ZFHX3: variants seen among roughly 807,000 people sequenced by gnomAD.
ZFHX3 encodes the protein zinc finger homeobox 3, also known as zinc finger homeobox protein 3.
ZFHX3 carries 42 observed loss-of-function variants against 279.1 expected under a neutral mutation model. That is an observed-to-expected ratio of 0.15 (90% CI 0.12 to 0.19). The LOEUF (loss-of-function observed/expected upper bound fraction) is 0.19, where lower values mean the gene tolerates loss of function less well. Ranked by LOEUF, ZFHX3 falls within the 10% of genes least tolerant of loss-of-function variation. The pLI is 1.00. For synonymous variants in ZFHX3, 2,293 were observed against 1,957.8 expected (o/e 1.17, Z -4.52); for missense variants, 4,981 against 4,754.0 (o/e 1.05, Z -1.40).
rs1245968980 is a variant in ZFHX3, at chr16:72,949,295, G to A, written c.3216+1174C>T. Among the ~76,000 whole-genome samples, 4 of 152,290 alleles carry A rather than the reference G, an allele frequency of 2.6e-5. No individual in the cohort carries two copies. In the South Asian group the frequency reaches 8.3e-4, roughly 32 times the overall value. On this transcript the variant is annotated intron_variant, in intron 3 of 9. Coordinates refer to ENST00000268489, the MANE Select transcript of ZFHX3 (RefSeq NM_006885.4). Reference sequence around the variant, plus strand: ...ACCAAACACTCGTGGGCCCAAAGACGCGAGAAACAGTGTGAAAGGCAGGAG... The same window carrying A: ...ACCAAACACTCGTGGGCCCAAAGACACGAGAAACAGTGTGAAAGGCAGGAG...
At chr16:73,843,832 A>G (rs1961377096) in intron 1 of ZFHX3, among the ~76,000 whole-genome samples, 1 of 152,236 alleles carries the variant, frequency 6.6e-6, no homozygotes, top group African/African-American at 2.4e-5. Flanking sequence ...CCTCTGTCGT[A>G]TGACAACAGC....
At chr16:72,851,426 G>A (rs758233143) in intron 4 of ZFHX3, among the ~76,000 whole-genome samples, 1 of 152,174 alleles carries the variant, frequency 6.6e-6, no homozygotes, top group Non-Finnish European at 1.5e-5. Flanking sequence ...AGTACTCTTG[G>A]GTTCTTGCAA....
chr16:73,766,911 G>C (rs2053951859), intron 1 of ZFHX3, among the ~76,000 whole-genome samples: 1 of 150,850 alleles, frequency 6.6e-6, no homozygotes, highest in Non-Finnish European at 1.5e-5. Flanking sequence ...TGGTGCAAAG[G>C]TAATTGTGGG....
chr16:73,738,047 A>G (rs975760747), intron 1 of ZFHX3, among the ~76,000 whole-genome samples: 5 of 152,200 alleles, frequency 3.3e-5, no homozygotes, highest in African/African-American at 1.2e-4. Context: ...TATGCCCTCC[A>G]CATCTCCATT....
chr16:73,717,592 C>T (rs1197989832), intron 1 of ZFHX3, among the ~76,000 whole-genome samples: 1 of 152,166 alleles, frequency 6.6e-6, no homozygotes, highest in Non-Finnish European at 1.5e-5. Flanking sequence ...TCCCCACTTG[C>T]TTGGTCCTTG....
rs542918650 is a variant in ZFHX3, at chr16:73,032,468, G to C, written c.-50+15284C>G. Among the ~76,000 whole-genome samples the C allele has an allele frequency of 1.4e-3, 207 of 152,222 alleles. 1 individual carries two copies. Among genetic ancestry groups the C allele is most frequent in the Middle Eastern group, 0.01 (3 of 294 alleles). On this transcript the variant is annotated intron_variant, in intron 1 of 9. Coordinates refer to ENST00000268489, the MANE Select transcript of ZFHX3 (RefSeq NM_006885.4). ...AGGTATACTCGACCACCTGCCCAGT[G>C]CTAAAGGATTTCTCAACGCCATAGT...
chr16:72,905,686 A>G lies in ZFHX3; in HGVS notation c.3217-15724T>C, dbSNP rs145943409. 1.1e-3 allele frequency among the ~76,000 whole-genome samples: 168 copies of G among 152,328 alleles called. 1 individual carries two copies. The Middle Eastern group carries it at 0.027, about 25-fold the overall frequency. ...ATAAAAAGAATGTGGTACATATTTTAGTTCTAAACATAAAATGTCCACCCA... is the reference window on the plus strand; with the variant it reads ...ATAAAAAGAATGTGGTACATATTTTGGTTCTAAACATAAAATGTCCACCCA... On this transcript the variant is annotated intron_variant, in intron 3 of 9. Coordinates refer to ENST00000268489, the MANE Select transcript of ZFHX3 (RefSeq NM_006885.4).
rs528012135 is a variant in ZFHX3 at position 73,205,998 on chromosome 16, A to G, written c.-1104+51049T>C. Among the ~76,000 whole-genome samples, 5 of 152,322 alleles carry G rather than the reference A, an allele frequency of 3.3e-5. No individual in the cohort carries two copies. The South Asian group carries it at 1.0e-3, about 32-fold the overall frequency. ...GGCAAATGGACTTTGACAAATCGCA[A>G]TTTGAGGTTTTAAAAATGAACTTTT... is the stretch of plus-strand genomic sequence containing the variant. On this transcript the variant is annotated intron_variant, in intron 5 of 17. Transcript: ENST00000641206.
At chr16:73,761,683 A>G (rs983715664) in intron 1 of ZFHX3, among the ~76,000 whole-genome samples, 1 of 152,210 alleles carries the variant, frequency 6.6e-6, no homozygotes. Context: ...AAGACTGCAC[A>G]TCTGCAACCA....
intron 5 of ZFHX3, chr16:73,143,934 TTTTTC>T: frequency 2.4e-6 from 1 of 424,714 alleles, no homozygotes; most frequent in Non-Finnish European, 4.3e-6. Context: ...TTTTCACTTA[TTTTTC>T]TTAAATAAGA....
intron 5 of ZFHX3, among the ~76,000 whole-genome samples, chr16:73,204,107 T>G (rs927265739): frequency 1.3e-5 from 2 of 151,862 alleles, no homozygotes; most frequent in Non-Finnish European, 2.9e-5. Flanking sequence ...ACAATTGAGG[T>G]GGTTTTCTCC....
chr16:73,785,610 T>A (rs1283704689), intron 1 of ZFHX3, among the ~76,000 whole-genome samples: 2 of 152,152 alleles, frequency 1.3e-5, no homozygotes, highest in African/African-American at 2.4e-5. Flanking sequence ...TCCATCTTTA[T>A]CGGTATAAAG....
intron 2 of ZFHX3, among the ~76,000 whole-genome samples, chr16:73,548,275 C>T (rs562681204): frequency 8.5e-5 from 13 of 152,196 alleles, no homozygotes; most frequent in South Asian, 2.1e-4. Context: ...AAATGCCACA[C>T]GGCTGTGATA....
chr16:73,451,728 G>A (rs1256160143), intron 3 of ZFHX3, among the ~76,000 whole-genome samples: 1 of 152,114 alleles, frequency 6.6e-6, no homozygotes. Context: ...ACCCCAGATG[G>A]GAGATCCTTA....
At chr16:73,849,105 G>T (rs1237716022) in intron 1 of ZFHX3, among the ~76,000 whole-genome samples, 1 of 152,170 alleles carries the variant, frequency 6.6e-6, no homozygotes, top group African/African-American at 2.4e-5. Flanking sequence ...GAACTCATCA[G>T]TGCAAAGTAT....
chr16:73,604,895 G>T (rs2052162021), intron 2 of ZFHX3, among the ~76,000 whole-genome samples: 1 of 152,074 alleles, frequency 6.6e-6, no homozygotes, highest in Non-Finnish European at 1.5e-5. Flanking sequence ...CTCTACTGGG[G>T]TAGACTGAGG....
intron 3 of ZFHX3, among the ~76,000 whole-genome samples, chr16:72,943,293 G>C (rs1960498856): frequency 6.6e-6 from 1 of 152,160 alleles, no homozygotes; most frequent in Admixed American, 6.5e-5. Flanking sequence ...CGGCACTCTA[G>C]GAGGCCAAGG....
intron 7 of ZFHX3, among the ~76,000 whole-genome samples, chr16:73,112,597 C>T (rs111773996): frequency 6.6e-6 from 1 of 151,156 alleles, no homozygotes; most frequent in Non-Finnish European, 1.5e-5. Flanking sequence ...TCTGTAATCC[C>T]AGCTACTCGG....
rs1314602171 is a variant in ZFHX3, at chr16:73,010,053, G to A, written c.-50+37699C>T. Among the ~76,000 whole-genome samples the A allele has an allele frequency of 2.1e-5, 3 of 139,544 alleles. No individual in the cohort carries two copies. In the South Asian group the frequency reaches 6.6e-4, roughly 31 times the overall value. 91.5% of individuals were successfully genotyped at this position (139,544 alleles called of 152,430 possible). A position where few individuals can be genotyped will look rare whatever the true frequency, so the allele number is the denominator to read the frequency against. On this transcript the variant is annotated intron_variant, in intron 1 of 9. Coordinates refer to ENST00000268489, the MANE Select transcript of ZFHX3 (RefSeq NM_006885.4). ...AAAAAAAAAAAAAAAACTCATAAAGGTACACAGCACCTGGGGGCTTCCATT... is the reference window on the plus strand; with the variant it reads ...AAAAAAAAAAAAAAAACTCATAAAGATACACAGCACCTGGGGGCTTCCATT...
Sources: allele counts gnomAD v4.1 joint callset (sites outside exome capture counted in the v4.1 genomes callset), GRCh38; gene constraint gnomAD v4.1.1; transcripts MANE v1.5; gene names NCBI Gene and HGNC (gene_info 2026-07-23, HGNC 2026-07-21).